KCNQ5: variants seen among roughly 807,000 people sequenced by gnomAD.
The protein encoded by KCNQ5 is potassium voltage-gated channel subfamily Q member 5.
KCNQ5 carries 30 observed loss-of-function variants against 98.2 expected under a neutral mutation model. The ratio of observed to expected loss-of-function variants is 0.31; its 90% CI spans 0.23 to 0.41. The LOEUF (loss-of-function observed/expected upper bound fraction) is 0.41. KCNQ5 is among the 10% of genes least tolerant of loss of function. The probability of loss-of-function intolerance (pLI) is 1.00; values close to 1 mark genes in which losing one functional copy is unlikely to be tolerated. For synonymous variants in KCNQ5, 458 were observed against 449.4 expected (o/e 1.02, Z -0.24); for missense variants, 835 against 1,182.5 (o/e 0.71, Z 4.31).
intron 9 of KCNQ5, among the ~76,000 whole-genome samples, chr6:73,126,275 T>C (rs947129893): frequency 2.0e-5 from 3 of 152,146 alleles, no homozygotes; most frequent in African/African-American, 7.2e-5. Flanking sequence ...AGATTCATCC[T>C]CCAAAACGGA....
chr6:72,896,939 T>TTG (rs1562053169), intron 1 of KCNQ5, among the ~76,000 whole-genome samples: 137 of 151,318 alleles, frequency 9.1e-4, no homozygotes, highest in Middle Eastern at 3.4e-3. Context: ...TTTGTTTGTT[T>TTG]GTTGGTTGGT....
chr6:72,667,597 AAAAGAT>A (rs1281822801), intron 1 of KCNQ5, among the ~76,000 whole-genome samples: 1 of 152,222 alleles, frequency 6.6e-6, no homozygotes, highest in African/African-American at 2.4e-5. Context: ...ATTACGAAGA[AAAAGAT>A]AGTCACTTTA....
rs181929969 is a variant in KCNQ5, at chr6:72,911,257, T to C, written c.399-92651T>C. On this transcript the variant is annotated intron_variant, in intron 1 of 13. Transcript: ENST00000370398. Reference sequence around the variant, plus strand: ...CTCCCAATGTGATGGTATTAAGAGATTGGGCCTTTGGAAGGTAATTAAGCC... The same window carrying C: ...CTCCCAATGTGATGGTATTAAGAGACTGGGCCTTTGGAAGGTAATTAAGCC... 2.4e-4 allele frequency among the ~76,000 whole-genome samples: 37 copies of C among 152,266 alleles called. No individual in the cohort carries two copies. The South Asian group carries it at 3.7e-3, about 15-fold the overall frequency.
intron 1 of KCNQ5, among the ~76,000 whole-genome samples, chr6:72,891,894 T>A (rs1779071990): frequency 6.6e-6 from 1 of 152,292 alleles, no homozygotes; most frequent in South Asian, 2.1e-4. Context: ...GGATATAGGC[T>A]TTCAGAGGCT....
intron 1 of KCNQ5, among the ~76,000 whole-genome samples, chr6:72,851,551 A>G (rs1039166920): frequency 1.3e-5 from 2 of 152,104 alleles, no homozygotes; most frequent in Non-Finnish European, 2.9e-5. Flanking sequence ...CTTGCAATTT[A>G]CCAAAAAGAT....
At chr6:73,132,473 G>A (rs1776277175) in intron 9 of KCNQ5, among the ~76,000 whole-genome samples, 1 of 152,112 alleles carries the variant, frequency 6.6e-6, no homozygotes, top group Non-Finnish European at 1.5e-5. Context: ...TAGCTGTGTT[G>A]CTATGTTTAT....
intron 1 of KCNQ5, among the ~76,000 whole-genome samples, chr6:72,827,431 T>C (rs1776054754): frequency 1.3e-5 from 2 of 152,162 alleles, no homozygotes; most frequent in Admixed American, 6.6e-5. Context: ...CTAACTGGGG[T>C]AAGAAGATAC....
chr6:72,824,115 G>A (rs1046549108), intron 1 of KCNQ5, among the ~76,000 whole-genome samples: 1 of 151,540 alleles, frequency 6.6e-6, no homozygotes, highest in Non-Finnish European at 1.5e-5. Flanking sequence ...AACATTAGAG[G>A]TTTGTCTTCC....
At chr6:73,020,575 T>C (rs1442000177) in intron 2 of KCNQ5, among the ~76,000 whole-genome samples, 1 of 152,156 alleles carries the variant, frequency 6.6e-6, no homozygotes, top group East Asian at 1.9e-4. Context: ...CATTGTCCAC[T>C]GATCATCAAC....
intron 1 of KCNQ5, among the ~76,000 whole-genome samples, chr6:72,668,950 A>G (rs762192852): frequency 6.6e-6 from 1 of 151,886 alleles, no homozygotes. Context: ...TTTCAAATAT[A>G]CTTATTGGGG....
At chr6:73,100,441 C>T (rs980472459) in intron 5 of KCNQ5, among the ~76,000 whole-genome samples, 3 of 151,760 alleles carry the variant, frequency 2.0e-5, no homozygotes, top group Admixed American at 1.3e-4. Context: ...CTGAGGCAGG[C>T]GGATCATGAG....
At chr6:72,796,852 A>T (rs1346220349) in intron 1 of KCNQ5, among the ~76,000 whole-genome samples, 1 of 152,260 alleles carries the variant, frequency 6.6e-6, no homozygotes, top group Non-Finnish European at 1.5e-5. Context: ...AAATACAAAT[A>T]GATACTATAA....
intron 1 of KCNQ5, among the ~76,000 whole-genome samples, chr6:72,910,824 C>T (rs1391673715): frequency 6.6e-6 from 1 of 152,114 alleles, no homozygotes; most frequent in Non-Finnish European, 1.5e-5. Flanking sequence ...TTGGTACTCA[C>T]TCTATGAGCA....
chr6:72,724,979 T>A (rs1256097651), intron 1 of KCNQ5, among the ~76,000 whole-genome samples: 4 of 152,326 alleles, frequency 2.6e-5, no homozygotes, highest in Non-Finnish European at 5.9e-5. Context: ...CAATTCAACA[T>A]AATTCTAATA....
intron 1 of KCNQ5, among the ~76,000 whole-genome samples, chr6:72,938,918 C>T (rs1018585496): frequency 3.9e-5 from 6 of 151,982 alleles, no homozygotes; most frequent in Admixed American, 2.6e-4. Context: ...TTAAAAGAAA[C>T]GTTAAATACT....
intron 1 of KCNQ5, among the ~76,000 whole-genome samples, chr6:72,860,700 G>C (rs1220123697): frequency 3.3e-5 from 5 of 151,974 alleles, no homozygotes; most frequent in African/African-American, 1.2e-4. Flanking sequence ...GTAAAAATCT[G>C]TTCCAGAGAT....
Position 73,082,944 on chromosome 6 carries a change from G to A in KCNQ5, c.918+5057G>A, listed in dbSNP as rs568300918. 1.5e-4 allele frequency among the ~76,000 whole-genome samples: 21 copies of A among 139,944 alleles called. No homozygotes were observed. In the South Asian group the frequency reaches 3.4e-3, roughly 22 times the overall value. The allele number at this position is 139,944 out of a possible 152,430, so 91.8% of individuals were successfully genotyped here. ...CTCACTCTGTCACATAGGTTGCAGT[G>A]CATTGGTGCATTTATAGCTCGCTGC... On this transcript the variant is annotated intron_variant, in intron 5 of 13. Transcript: ENST00000370398.
At chr6:72,874,038 AT>A (rs1484178612) in intron 1 of KCNQ5, among the ~76,000 whole-genome samples, 2 of 151,688 alleles carry the variant, frequency 1.3e-5, no homozygotes, top group African/African-American at 4.8e-5. Flanking sequence ...CTTGTATTTT[AT>A]TTATATTTAT....
chr6:72,871,827 CT>C (rs1465730040), intron 1 of KCNQ5, among the ~76,000 whole-genome samples: 5 of 152,126 alleles, frequency 3.3e-5, no homozygotes, highest in Non-Finnish European at 5.9e-5. Context: ...ATCTCTCCAT[CT>C]ATCAAAATCT....
Sources: allele counts gnomAD v4.1 joint callset (sites outside exome capture counted in the v4.1 genomes callset), GRCh38; gene constraint gnomAD v4.1.1; transcripts MANE v1.5; gene names NCBI Gene and HGNC (gene_info 2026-07-23, HGNC 2026-07-21).